Variants in COL22A1 observed in about 807,000 individuals in gnomAD.
The protein encoded by COL22A1 is collagen type XXII alpha 1 chain.
In COL22A1, 221 loss-of-function variants were observed where a neutral mutation model predicts 248.9. That is an observed-to-expected ratio of 0.89 (90% CI 0.80 to 0.99). The LOEUF (loss-of-function observed/expected upper bound fraction) is 0.99. Ranked by LOEUF, COL22A1 falls within the 50% of genes least tolerant of loss-of-function variation. The probability of loss-of-function intolerance (pLI) is 0.00; values close to 1 mark genes in which losing one functional copy is unlikely to be tolerated. For synonymous variants in COL22A1, 891 were observed against 793.4 expected (o/e 1.12, Z -2.07); for missense variants, 2,240 against 2,179.0 (o/e 1.03, Z -0.56).
At chr8:138,642,112 G>A (rs1821764105) in intron 47 of COL22A1, among the ~76,000 whole-genome samples, 1 of 152,168 alleles carries the variant, frequency 6.6e-6, no homozygotes, top group South Asian at 2.1e-4. Flanking sequence ...CAGATATAGT[G>A]TAGACTAAAG....
chr8:138,724,817 G>T, intron 24 of COL22A1, 149 bp from the exon 25 acceptor site: 1 of 718,120 alleles, frequency 1.4e-6, no homozygotes, highest in Non-Finnish European at 2.4e-6. Context: ...GCTGTGAAAC[G>T]CGGAGTTGTT....
At chr8:138,811,379 A>G (rs538561581) in intron 9 of COL22A1, among the ~76,000 whole-genome samples, 2 of 152,084 alleles carry the variant, frequency 1.3e-5, no homozygotes, top group Non-Finnish European at 2.9e-5. Context: ...ATACACGTGT[A>G]TATATATATG....
intron 9 of COL22A1, 110 bp from the exon 10 acceptor site, chr8:138,807,922 G>T: frequency 9.3e-7 from 1 of 1,078,660 alleles, no homozygotes; most frequent in Non-Finnish European, 1.4e-6. Context: ...GGCTTAGTAA[G>T]CCCAGCGCCG....
intron 23 of COL22A1, among the ~76,000 whole-genome samples, chr8:138,725,788 C>A (rs931898914): frequency 9.9e-6 from 1 of 100,724 alleles, no homozygotes; most frequent in Non-Finnish European, 2.3e-5. Flanking sequence ...CACACACACA[C>A]ACACACACAC....
At chr8:138,895,390 C>T (rs987859704) in intron 1 of COL22A1, among the ~76,000 whole-genome samples, 1 of 151,826 alleles carries the variant, frequency 6.6e-6, no homozygotes, top group Admixed American at 6.6e-5. Context: ...CATAGAAATG[C>T]TTCAATAAAC....
intron 47 of COL22A1, among the ~76,000 whole-genome samples, chr8:138,640,168 A>ATTG (rs1821549177): frequency 6.6e-6 from 1 of 152,196 alleles, no homozygotes; most frequent in Non-Finnish European, 1.5e-5. Flanking sequence ...CAATAATAAA[A>ATTG]TTGTTTTCTT....
Position 138,821,049 on chromosome 8 carries a change from G to GT in COL22A1, c.1245+86dup, listed in dbSNP as rs937189381. ...ATGATTTGGTACCTGGTTCATGCAGGTGTGGAGAACACTGAGGGCACTTAG... is the reference window on the plus strand; with the variant it reads ...ATGATTTGGTACCTGGTTCATGCAGGTTGTGGAGAACACTGAGGGCACTTAG... On this transcript the variant is annotated intron_variant, in intron 7 of 64. Coordinates refer to ENST00000303045, the MANE Select transcript of COL22A1 (RefSeq NM_152888.3). The GT allele has an allele frequency of 2.1e-6, 3 of 1,402,838 alleles. No individual in the cohort carries two copies. In the African/African-American group the frequency reaches 4.2e-5, roughly 20 times the overall value. The allele number at this position is 1,402,838 out of a possible 1,614,324, so 86.9% of individuals were successfully genotyped here.
intron 22 of COL22A1, among the ~76,000 whole-genome samples, chr8:138,747,692 C>T (rs1832237979): frequency 6.6e-6 from 1 of 152,188 alleles, no homozygotes; most frequent in African/African-American, 2.4e-5. Context: ...ATATAAACAG[C>T]ATGAGGGCAG....
intron 22 of COL22A1, among the ~76,000 whole-genome samples, chr8:138,748,526 C>T (rs1207950176): frequency 1.3e-5 from 2 of 152,190 alleles, no homozygotes; most frequent in African/African-American, 4.8e-5. Flanking sequence ...AGAGCCTGTC[C>T]TTCATCTGCA....
Position 138,684,856 on chromosome 8 carries a change from G to C in COL22A1, c.2967+352C>G, listed in dbSNP as rs556687017. ...CAATGAAAACCATGATTCTACGTTT[G>C]GAAGTCTTGGCTGAAAGCACCAGAG... On this transcript the variant is annotated intron_variant, in intron 38 of 64. Coordinates refer to ENST00000303045, the MANE Select transcript of COL22A1 (RefSeq NM_152888.3). Among the ~76,000 whole-genome samples, 3 of 152,310 alleles carry C rather than the reference G, an allele frequency of 2.0e-5. No individual in the cohort carries two copies. The South Asian group carries it at 6.2e-4, about 32-fold the overall frequency.
intron 3 of COL22A1, among the ~76,000 whole-genome samples, chr8:138,844,548 G>A (rs1038944309): frequency 6.6e-6 from 1 of 152,178 alleles, no homozygotes; most frequent in Admixed American, 6.5e-5. Flanking sequence ...TCTAACGCAG[G>A]AGGACAGAGA....
At chr8:138,607,743 T>C (rs1818535226) in intron 57 of COL22A1, among the ~76,000 whole-genome samples, 193 bp downstream of exon 57, 1 of 152,204 alleles carries the variant, frequency 6.6e-6, no homozygotes, top group African/African-American at 2.4e-5. Context: ...AAAGAGCCAA[T>C]CGCATGATAT....
intron 3 of COL22A1, among the ~76,000 whole-genome samples, chr8:138,853,519 C>T (rs1821790384): frequency 6.6e-6 from 1 of 152,116 alleles, no homozygotes; most frequent in Admixed American, 6.5e-5. Flanking sequence ...TTACAAATTA[C>T]TTTCACCAAG....
chr8:138,861,823 T>A (rs1271780958), intron 3 of COL22A1, among the ~76,000 whole-genome samples: 1 of 152,012 alleles, frequency 6.6e-6, no homozygotes, highest in Non-Finnish European at 1.5e-5. Context: ...GATGTACAGT[T>A]TGCAAAAAAT....
At chr8:138,650,672 A>AGATAGAT (rs1387808048) in intron 45 of COL22A1, among the ~76,000 whole-genome samples, 3 of 2,362 alleles carry the variant, frequency 1.3e-3, no homozygotes, top group African/African-American at 1.9e-3. Flanking sequence ...AAGAAAGATT[A>AGATAGAT]GATAGATAGA....
intron 10 of COL22A1, among the ~76,000 whole-genome samples, chr8:138,806,092 G>T (rs1264096557): frequency 1.2e-4 from 12 of 97,518 alleles, no homozygotes; most frequent in Non-Finnish European, 2.3e-4. Flanking sequence ...GTGTAATGGT[G>T]TGTGATGGTG....
At chr8:138,613,828 T>A in intron 56 of COL22A1, 39 bp downstream of exon 56, 2 of 1,559,696 alleles carry the variant, frequency 1.3e-6, no homozygotes, top group Non-Finnish European at 1.8e-6. Flanking sequence ...AAAGGTCCTG[T>A]AATAACATGA....
chr8:138,852,207 C>T (rs956406035), intron 3 of COL22A1, among the ~76,000 whole-genome samples: 1 of 151,900 alleles, frequency 6.6e-6, no homozygotes, highest in African/African-American at 2.4e-5. Context: ...ATGTGTCACC[C>T]TGCAGCAGGG....
chr8:138,685,235 T>A lies in COL22A1; in HGVS notation c.2940A>T (p.Pro980=). The A allele has an allele frequency of 1.2e-6, 2 of 1,612,716 alleles. No individual in the cohort carries two copies. The highest frequency in any genetic ancestry group is 1.7e-5 in the Admixed American group (1 of 59,846). ...GDPGAPGLPG[P]PGKGKDGEPG... is the part of the protein sequence containing the mutation. ...GCTCTCCATCCTTCCCTTTTCCGGG[T>A]GGCCCAGGGAGCCCAGGAGCACCAG... Residue 980 remains proline (P), a synonymous_variant, in exon 38 of 65, where the codon CCA becomes CCT. Coordinates refer to ENST00000303045, the MANE Select transcript of COL22A1 (RefSeq NM_152888.3).
Sources: allele counts gnomAD v4.1 joint callset (sites outside exome capture counted in the v4.1 genomes callset), GRCh38; gene constraint gnomAD v4.1.1; transcripts MANE v1.5; gene names NCBI Gene and HGNC (gene_info 2026-07-23, HGNC 2026-07-21).